CDKL3: variants seen among roughly 807,000 people sequenced by gnomAD.
CDKL3 encodes the protein cyclin-dependent kinase-like 3.
CDKL3 carries 65 observed loss-of-function variants against 69.3 expected under a neutral mutation model. The observed-to-expected ratio is 0.94, with a 90% CI of 0.77 to 1.15. The LOEUF (loss-of-function observed/expected upper bound fraction) is 1.15. Ranked by LOEUF, CDKL3 falls within the 50% of genes most tolerant of loss-of-function variation. CDKL3 has a pLI of 0.00. For synonymous variants in CDKL3, 202 were observed against 221.6 expected (o/e 0.91, Z 0.79); for missense variants, 652 against 689.2 (o/e 0.95, Z 0.61).
At chr5:134,302,465 T>G (rs6871362) in intron 12 of CDKL3, 125 bp downstream of exon 12, 71,085 of 619,056 alleles carry the variant, frequency 0.11, 5,422 homozygotes, top group African/African-American at 0.28. Flanking sequence ...TCTGTTTCTT[T>G]AGTTCAAAGA....
At chr5:134,370,318 T>C (rs972377028), upstream of CDKL3, among the ~76,000 whole-genome samples, 1 of 152,124 alleles carries the variant, frequency 6.6e-6, no homozygotes, top group Non-Finnish European at 1.5e-5. Flanking sequence ...ATATTCAAGG[T>C]CTTTGGGAGG....
At position 134,360,109 on chromosome 5, in the gene CDKL3, A is replaced by AACAC. The variant is rs761715265; in HGVS notation, c.166-22_166-19dup. 109 of 1,495,106 alleles carry AACAC rather than the reference A, an allele frequency of 7.3e-5. No individual in the cohort carries two copies. In the African/African-American group the frequency reaches 1.0e-3, roughly 14 times the overall value. The allele number at this position is 1,495,106 out of a possible 1,614,324, so 92.6% of individuals were successfully genotyped here. On this transcript the variant is annotated intron_variant, in intron 2 of 12. Transcript: ENST00000265334. ...TGAAATTGCTATTGACAAAAGAAAC[A>AACAC]ACACAAATTTTTAATTATTTCAAGC...
chr5:134,316,650 C>T (rs959700123), intron 6 of CDKL3, among the ~76,000 whole-genome samples: 1 of 151,470 alleles, frequency 6.6e-6, no homozygotes, highest in Non-Finnish European at 1.5e-5. Flanking sequence ...GGGGGAAAAT[C>T]GAAAATAATT....
intron 4 of CDKL3, among the ~76,000 whole-genome samples, chr5:134,326,826 T>TGC (rs1774391756): frequency 9.7e-6 from 1 of 103,478 alleles, no homozygotes; most frequent in Non-Finnish European, 1.7e-5. Flanking sequence ...TGTATATATA[T>TGC]ATATATATAT....
At chr5:134,306,749 G>C in intron 9 of CDKL3, 47 bp from the exon 10 acceptor site, 1 of 291,426 alleles carries the variant, frequency 3.4e-6, no homozygotes, top group Non-Finnish European at 5.5e-6. Context: ...CCCCAGAAAT[G>C]CTTTTTTTTT....
upstream of CDKL3, chr5:134,371,384 C>A (rs763428763): frequency 7.3e-6 from 5 of 682,016 alleles, no homozygotes; most frequent in Non-Finnish European, 1.2e-5. Context: ...GCCCCCTCCT[C>A]CCCCAGCACT....
rs1422522657 is a variant in CDKL3 at position 134,326,860 on chromosome 5, TATATATAC to T, written c.540-4965_540-4958del. ...ATATATATATATATATATATATATATATATATACACACACACACATAGTCCTTATAGTC... is the reference window on the plus strand; with the variant it reads ...ATATATATATATATATATATATATATACACACACACATAGTCCTTATAGTC... On this transcript the variant is annotated intron_variant, in intron 4 of 12. Transcript: ENST00000265334. Among the ~76,000 whole-genome samples, 113 of 96,724 alleles carry T rather than the reference TATATATAC, an allele frequency of 1.2e-3. 4 individuals carry two copies. The highest frequency in any genetic ancestry group is 6.1e-3 in the African/African-American group (96 of 15,662). The allele number at this position is 96,724 out of a possible 152,430, so 63.5% of individuals were successfully genotyped here. A position where few individuals can be genotyped will look rare whatever the true frequency, so the allele number is the denominator to read the frequency against.
chr5:134,366,882 C>T (rs1212166084), intron 1 of CDKL3, 95 bp downstream of exon 1: 3 of 1,005,524 alleles, frequency 3.0e-6, no homozygotes, highest in East Asian at 2.1e-4. Context: ...TAATAGGTTC[C>T]CGCACTACTG....
At chr5:134,346,734 G>A (rs531935453) in intron 4 of CDKL3, among the ~76,000 whole-genome samples, 1 of 152,186 alleles carries the variant, frequency 6.6e-6, no homozygotes, top group East Asian at 1.9e-4. Context: ...GACCTCAGGT[G>A]ATCCGCCCAC....
At position 134,311,597 on chromosome 5, in the gene CDKL3, T is replaced by C. The variant is rs181335569; in HGVS notation, c.881+695A>G. On this transcript the variant is annotated intron_variant, in intron 7 of 12. Coordinates refer to ENST00000265334, the MANE Select transcript of CDKL3 (RefSeq NM_001113575.2). ...TGCTAATTATGATAAATGAATGTCA[T>C]CAGAAGAGGAAAAACCAGACTATTC... 4.2e-3 allele frequency among the ~76,000 whole-genome samples: 645 copies of C among 151,934 alleles called. 3 individuals are homozygous for C. Among genetic ancestry groups the C allele is most frequent in the South Asian group, 0.023 (109 of 4,816 alleles).
chr5:134,312,376 C>G lies in CDKL3; in HGVS notation c.797G>C (p.Cys266Ser). 1.9e-6 allele frequency: 3 copies of G among 1,583,084 alleles called. No homozygotes were observed. Among genetic ancestry groups the G allele is most frequent in the Non-Finnish European group, 2.6e-6 (3 of 1,164,536 alleles). The part of the protein sequence containing the change: ...NGLLADIVHA[C>S]LQIDPADRIS... Reference sequence around the variant, plus strand: ...CCTGTCAGCAGGATCAATTTGTAAACAAGCCTAGGAAAGGAAAAAGATTTT... The same window carrying G: ...CCTGTCAGCAGGATCAATTTGTAAAGAAGCCTAGGAAAGGAAAAAGATTTT... Residue 266 changes from cysteine to serine, a missense_variant, in exon 7 of 13, where the codon TGT (cysteine) becomes TCT (serine). By Grantham distance (112) the Cys-to-Ser change is moderately radical (BLOSUM62 -1). Coordinates refer to ENST00000265334, the MANE Select transcript of CDKL3 (RefSeq NM_001113575.2).
chr5:134,331,293 C>T (rs913117650), intron 4 of CDKL3, among the ~76,000 whole-genome samples: 7 of 152,070 alleles, frequency 4.6e-5, no homozygotes, highest in Non-Finnish European at 8.8e-5. Flanking sequence ...TTCCTCCTTT[C>T]TTTTTTTAAT....
intron 2 of CDKL3, among the ~76,000 whole-genome samples, chr5:134,362,565 C>T (rs1222894846): frequency 6.6e-6 from 1 of 151,920 alleles, no homozygotes; most frequent in Non-Finnish European, 1.5e-5. Flanking sequence ...GTTTTTTAGA[C>T]TAAGAATATT....
chr5:134,339,966 A>C (rs1049242231), intron 4 of CDKL3, among the ~76,000 whole-genome samples: 1 of 152,046 alleles, frequency 6.6e-6, no homozygotes, highest in Non-Finnish European at 1.5e-5. Flanking sequence ...AGCCTGGGTA[A>C]CACAGTGAGA....
intron 7 of CDKL3, among the ~76,000 whole-genome samples, chr5:134,310,780 C>G (rs1769236839): frequency 6.6e-6 from 1 of 152,232 alleles, no homozygotes; most frequent in African/African-American, 2.4e-5. Flanking sequence ...AGCTGCAGCA[C>G]CTTGCCAATG....
chr5:134,308,754 T>A, intron 7 of CDKL3, 27 bp from the exon 8 acceptor site: 1 of 1,549,320 alleles, frequency 6.5e-7, no homozygotes, highest in Non-Finnish European at 8.6e-7. Flanking sequence ...TATCAACGAG[T>A]AATCTTTTTA....
At chr5:134,344,752 T>C (rs1204166609) in intron 4 of CDKL3, among the ~76,000 whole-genome samples, 6 of 152,076 alleles carry the variant, frequency 3.9e-5, no homozygotes, top group Admixed American at 6.6e-5. Flanking sequence ...AGCGAGACCC[T>C]GTCTCTACAA....
intron 4 of CDKL3, among the ~76,000 whole-genome samples, chr5:134,332,213 A>C (rs773785019): frequency 3.3e-5 from 5 of 152,126 alleles, no homozygotes; most frequent in Non-Finnish European, 5.9e-5. Context: ...AGATAGATAG[A>C]TTGCAAAAAT....
intron 4 of CDKL3, among the ~76,000 whole-genome samples, chr5:134,349,447 G>A (rs984211512): frequency 1.1e-4 from 16 of 152,164 alleles, no homozygotes; most frequent in South Asian, 2.1e-4. Context: ...ATGCCACCAC[G>A]CCTGGCTAAA....
Sources: allele counts gnomAD v4.1 joint callset (sites outside exome capture counted in the v4.1 genomes callset), GRCh38; gene constraint gnomAD v4.1.1; transcripts MANE v1.5; gene names NCBI Gene and HGNC (gene_info 2026-07-23, HGNC 2026-07-21).